PIGN: variants seen among roughly 807,000 people sequenced by gnomAD.
PIGN encodes the protein GPI ethanolamine phosphate transferase 1.
In PIGN, 117 loss-of-function variants were observed where a neutral mutation model predicts 125.4. The observed-to-expected ratio is 0.93, with a 90% CI of 0.80 to 1.09. PIGN has a LOEUF of 1.09. PIGN is among the 50% of genes least tolerant of loss of function. The pLI, the probability that PIGN is intolerant of heterozygous loss-of-function variation, is 0.00. For synonymous variants in PIGN, 392 were observed against 377.8 expected (o/e 1.04, Z -0.44); for missense variants, 1,075 against 1,094.9 (o/e 0.98, Z 0.26).
In PIGN at chr18:62,044,306, A is replaced by G. The variant is rs756803124; in HGVS notation, c.*1550T>C. The G allele has an allele frequency of 2.0e-5, 3 of 152,258 alleles. No individual in the cohort carries two copies. Among genetic ancestry groups the G allele is most frequent in the Admixed American group, 6.5e-5 (1 of 15,284 alleles). The allele number at this position is 152,258 out of a possible 1,614,324, so 9.4% of individuals were successfully genotyped here. A position where few individuals can be genotyped will look rare whatever the true frequency, so the allele number is the denominator to read the frequency against. ...ATAAAAGGCAAAACTACACATAGAA[A>G]AAGGTCAGTGATAAGTGTTTATACA... On this transcript the variant is annotated 3_prime_UTR_variant, in exon 31 of 31. Coordinates refer to ENST00000640252, the MANE Select transcript of PIGN (RefSeq NM_176787.5).
intron 30 of PIGN, among the ~76,000 whole-genome samples, chr18:62,050,552 T>C (rs1273536990): frequency 1.3e-5 from 2 of 151,158 alleles, no homozygotes; most frequent in African/African-American, 2.4e-5. Flanking sequence ...ATTGATTTTG[T>C]ATCCTGAGAC....
chr18:62,037,425 C>T (rs1313048444), downstream of PIGN, among the ~76,000 whole-genome samples: 1 of 152,248 alleles, frequency 6.6e-6, no homozygotes, highest in Non-Finnish European at 1.5e-5. Context: ...ATGAAAGCCC[C>T]TCAGTGGGCA....
intron 1 of PIGN, among the ~76,000 whole-genome samples, chr18:62,163,943 T>C (rs1057422476): frequency 1.3e-5 from 2 of 152,242 alleles, no homozygotes; most frequent in Admixed American, 1.3e-4. Context: ...TTTATTCTTT[T>C]TTGATTAGCT....
intron 30 of PIGN, among the ~76,000 whole-genome samples, chr18:62,057,263 C>A (rs894766488): frequency 6.6e-6 from 1 of 151,766 alleles, no homozygotes; most frequent in Non-Finnish European, 1.5e-5. Context: ...TATGCAAAAC[C>A]CAGATCTTAA....
At chr18:62,029,712 A>G (rs1428051356) in intron 23 of PIGN, among the ~76,000 whole-genome samples, 62 of 152,190 alleles carry the variant, frequency 4.1e-4, no homozygotes. Context: ...GAACAGAGAG[A>G]GCAGAACAGA....
chr18:62,135,612 T>C (rs1404803589), intron 14 of PIGN: 1 of 142,112 alleles, frequency 7.0e-6, no homozygotes, highest in Non-Finnish European at 1.5e-5. Flanking sequence ...TTTTGTTTTT[T>C]CTTTGTCTTT....
At chr18:62,166,171 C>T (rs2037127815) in intron 1 of PIGN, among the ~76,000 whole-genome samples, 4 of 152,250 alleles carry the variant, frequency 2.6e-5, no homozygotes, top group Middle Eastern at 3.4e-3. Flanking sequence ...TCTGAGTTTG[C>T]GCAGGACCTT....
Position 62,106,844 on chromosome 18 carries a change from C to T in PIGN, c.1712G>A (p.Gly571Glu), listed in dbSNP as rs754917876. 1 of 1,609,548 alleles carries T rather than the reference C, an allele frequency of 6.2e-7. No individual in the cohort carries two copies. ...SFFYRYMLTA[G>E]LTAFAAWPFL... is the part of the protein sequence containing the mutation. ...TGGCCAAGCTGCAAAGGCAGTAAGT[C>T]CAGCGGTAAGCATATAGCGGTAGAA... The change falls in exon 19 of 31, where the codon GGA becomes GAA. Residue 571 changes from glycine to glutamate, a missense_variant. Physicochemically the swap from Gly to Glu is moderately conservative, Grantham distance 98. This residue lies in a region of PIGN where 915 missense variants were observed against 908.7 expected (regional missense o/e 1.01). Transcript: ENST00000640252.
chr18:62,148,051 G>T (rs7243994), intron 8 of PIGN, among the ~76,000 whole-genome samples, 163 bp downstream of exon 8: 1 of 151,854 alleles, frequency 6.6e-6, no homozygotes, highest in South Asian at 2.1e-4. Context: ...TGATTTAAAC[G>T]ACTATATTGG....
intron 10 of PIGN, among the ~76,000 whole-genome samples, chr18:62,145,419 T>C (rs2036289236): frequency 6.6e-6 from 1 of 152,184 alleles, no homozygotes; most frequent in African/African-American, 2.4e-5. Flanking sequence ...TTCACTGTGC[T>C]CTTCTGTCTT....
intron 14 of PIGN, among the ~76,000 whole-genome samples, chr18:62,126,892 C>T (rs556414125): frequency 6.6e-6 from 1 of 152,272 alleles, no homozygotes; most frequent in Non-Finnish European, 1.5e-5. Context: ...TAATATATGT[C>T]CAACATCCGT....
chr18:62,150,214 C>T (rs2036478074), intron 7 of PIGN, among the ~76,000 whole-genome samples: 1 of 152,124 alleles, frequency 6.6e-6, no homozygotes, highest in Non-Finnish European at 1.5e-5. Flanking sequence ...AAACTCCTGG[C>T]CTCAAGTGAT....
rs71160811 is a variant in PIGN, at chr18:62,062,882, C to CTTTTTTTTTTTTTTTTTTT, written c.2672+9772_2672+9790dup. Reference sequence around the variant, plus strand: ...ATTTGTTTTATGCTTTTGTATTCTGCTTTTTTTTTTTTTTTTTTTTTTTTT... The same window carrying CTTTTTTTTTTTTTTTTTTT: ...ATTTGTTTTATGCTTTTGTATTCTGCTTTTTTTTTTTTTTTTTTTTTTTTTTTTTTTTTTTTTTTTTTTT... On this transcript the variant is annotated intron_variant, in intron 30 of 30. Coordinates refer to ENST00000640252, the MANE Select transcript of PIGN (RefSeq NM_176787.5). 9.0e-4 allele frequency among the ~76,000 whole-genome samples: 19 copies of CTTTTTTTTTTTTTTTTTTT among 21,068 alleles called. 1 individual carries two copies. Among genetic ancestry groups the CTTTTTTTTTTTTTTTTTTT allele is most frequent in the Non-Finnish European group, 9.5e-4 (12 of 12,684 alleles). 13.8% of individuals were successfully genotyped at this position (21,068 alleles called of 152,430 possible).
chr18:62,030,764 C>T (rs1308612627), intron 23 of PIGN, among the ~76,000 whole-genome samples: 1 of 152,198 alleles, frequency 6.6e-6, no homozygotes, highest in Non-Finnish European at 1.5e-5. Flanking sequence ...AGATCATGAT[C>T]TTCTCACCAC....
chr18:62,025,174 A>G (rs772509873), intron 23 of PIGN, among the ~76,000 whole-genome samples: 3 of 152,194 alleles, frequency 2.0e-5, no homozygotes, highest in African/African-American at 4.8e-5. Flanking sequence ...CAAACTTGTC[A>G]ATTCTTTTAC....
Position 62,157,110 on chromosome 18 carries a change from C to T in PIGN, c.442+19G>A. 1 of 1,337,966 alleles carries T rather than the reference C, an allele frequency of 7.5e-7. No homozygotes were observed. Among genetic ancestry groups the T allele is most frequent in the South Asian group, 1.4e-5 (1 of 73,834 alleles). The allele number at this position is 1,337,966 out of a possible 1,614,324, so 82.9% of individuals were successfully genotyped here. On this transcript the variant is annotated intron_variant, in intron 6 of 30. Coordinates refer to ENST00000640252, the MANE Select transcript of PIGN (RefSeq NM_176787.5). ...ACTCCCTATTTACTATCTGAGGAAA[C>T]ATAATCAGTGACTCTTACCTTTGGC...
chr18:62,061,332 C>T (rs1454004106), intron 30 of PIGN, among the ~76,000 whole-genome samples: 1 of 151,656 alleles, frequency 6.6e-6, no homozygotes, highest in Non-Finnish European at 1.5e-5. Flanking sequence ...ATTACAGATA[C>T]ATGCCAGACT....
intron 1 of PIGN, among the ~76,000 whole-genome samples, chr18:62,175,041 A>ATAT (rs1161893166): frequency 2.8e-5 from 4 of 143,810 alleles, no homozygotes; most frequent in South Asian, 2.2e-4. Context: ...GATATATATT[A>ATAT]TAAATATATA....
chr18:62,178,369 C>G (rs2037600997), intron 1 of PIGN, among the ~76,000 whole-genome samples: 1 of 151,754 alleles, frequency 6.6e-6, no homozygotes, highest in African/African-American at 2.4e-5. Flanking sequence ...AGTGGAGGAA[C>G]TAACCCTTAT....
Sources: allele counts gnomAD v4.1 joint callset (sites outside exome capture counted in the v4.1 genomes callset), GRCh38; gene constraint gnomAD v4.1.1; regional missense constraint gnomAD v4.1.1; transcripts MANE v1.5; gene names NCBI Gene and HGNC (gene_info 2026-07-23, HGNC 2026-07-21).